NPAS3: variants seen among roughly 807,000 people sequenced by gnomAD.
NPAS3 encodes the protein neuronal PAS domain-containing protein 3.
In NPAS3, 14 loss-of-function variants were observed where a neutral mutation model predicts 73.1. The observed-to-expected ratio is 0.19, with a 90% CI of 0.13 to 0.30. The LOEUF is 0.30. Ranked by LOEUF, NPAS3 falls within the 10% of genes least tolerant of loss-of-function variation. The pLI is 1.00. For missense variants in NPAS3, 1,096 were observed against 1,250.0 expected (o/e 0.88, Z 1.86); for synonymous variants, 620 against 541.5 (o/e 1.14, Z -2.01).
At chr14:33,409,734 C>T (rs2047836234) in intron 4 of NPAS3, among the ~76,000 whole-genome samples, 1 of 152,114 alleles carries the variant, frequency 6.6e-6, no homozygotes, top group Non-Finnish European at 1.5e-5. Context: ...CAATTGAATA[C>T]TACACAAAAG....
chr14:32,981,822 A>G (rs1049478659), intron 1 of NPAS3, among the ~76,000 whole-genome samples: 9 of 152,204 alleles, frequency 5.9e-5, no homozygotes, highest in South Asian at 4.1e-4. Context: ...TCAACTCTTA[A>G]TTGCACAAAT....
chr14:33,398,028 A>C (rs2047296811), intron 4 of NPAS3, among the ~76,000 whole-genome samples: 1 of 152,100 alleles, frequency 6.6e-6, no homozygotes, highest in Non-Finnish European at 1.5e-5. Flanking sequence ...TTTTCAGTAC[A>C]CCAATGCCAA....
Position 33,437,602 on chromosome 14 carries a change from C to A in NPAS3, c.468+70334C>A, listed in dbSNP as rs569153006. On this transcript the variant is annotated intron_variant, in intron 4 of 11. Transcript: ENST00000356141. ...TCCTTTACTGGAATAAATAGCCCTT[C>A]CTTTTGAGAGGACAACCACTTCAGG... Among the ~76,000 whole-genome samples the A allele has an allele frequency of 5.3e-5, 8 of 152,258 alleles. No individual in the cohort carries two copies. In the South Asian group the frequency reaches 1.5e-3, roughly 28 times the overall value.
intron 3 of NPAS3, among the ~76,000 whole-genome samples, chr14:33,357,589 C>T (rs1240843380): frequency 1.3e-5 from 2 of 152,234 alleles, no homozygotes; most frequent in Non-Finnish European, 2.9e-5. Context: ...CTGCTTTTCA[C>T]AACAAAGAGG....
chr14:33,080,470 A>C (rs1376989194), intron 2 of NPAS3, among the ~76,000 whole-genome samples: 1 of 152,218 alleles, frequency 6.6e-6, no homozygotes, highest in Non-Finnish European at 1.5e-5. Flanking sequence ...ATAAATAAAT[A>C]GTAGTAGACA....
chr14:33,744,039 C>G (rs2061722337), intron 7 of NPAS3, among the ~76,000 whole-genome samples: 1 of 152,224 alleles, frequency 6.6e-6, no homozygotes, highest in Admixed American at 6.5e-5. Context: ...AGCAGTAAGG[C>G]TGTTTTACTT....
At chr14:33,510,462 AG>A (rs2052994010) in intron 4 of NPAS3, among the ~76,000 whole-genome samples, 1 of 151,980 alleles carries the variant, frequency 6.6e-6, no homozygotes, top group Non-Finnish European at 1.5e-5. Context: ...GGGTGGGTGG[AG>A]GGGGGACTGG....
At chr14:33,005,817 T>C (rs2038982042) in intron 1 of NPAS3, among the ~76,000 whole-genome samples, 1 of 152,186 alleles carries the variant, frequency 6.6e-6, no homozygotes. Flanking sequence ...GTCTTCAATC[T>C]CACTTTAGAC....
intron 4 of NPAS3, among the ~76,000 whole-genome samples, chr14:33,488,204 C>A (rs2051708061): frequency 6.6e-6 from 1 of 151,886 alleles, no homozygotes. Context: ...AAAACAGCAT[C>A]AGTAATAGTC....
intron 4 of NPAS3, among the ~76,000 whole-genome samples, chr14:33,545,611 C>T (rs976704229): frequency 1.3e-5 from 2 of 152,184 alleles, no homozygotes; most frequent in Non-Finnish European, 2.9e-5. Flanking sequence ...GAAGTGTTCC[C>T]ATTTCAAAGC....
At chr14:33,643,244 T>C (rs1043470986) in intron 5 of NPAS3, among the ~76,000 whole-genome samples, 8 of 152,064 alleles carry the variant, frequency 5.3e-5, no homozygotes, top group Non-Finnish European at 1.0e-4. Context: ...AGTTGCACTG[T>C]AAATCAGGAA....
At chr14:33,563,395 A>T (rs1172803387) in intron 5 of NPAS3, among the ~76,000 whole-genome samples, 1 of 152,036 alleles carries the variant, frequency 6.6e-6, no homozygotes, top group Non-Finnish European at 1.5e-5. Flanking sequence ...TGTCCAGGGC[A>T]TGTGCATGCC....
chr14:33,579,546 T>G (rs555887739), intron 5 of NPAS3, among the ~76,000 whole-genome samples: 1 of 152,318 alleles, frequency 6.6e-6, no homozygotes, highest in East Asian at 1.9e-4. Flanking sequence ...AATGAAGAAT[T>G]CAGAATCAAT....
intron 4 of NPAS3, among the ~76,000 whole-genome samples, chr14:33,422,611 T>C (rs945413505): frequency 1.3e-5 from 2 of 151,960 alleles, no homozygotes; most frequent in Non-Finnish European, 2.9e-5. Context: ...GAAAGCTTCA[T>C]GAGGGCAGAG....
exon 8 of NPAS3, chr14:33,774,415 C>T (rs2062748860): frequency 2.5e-6 from 4 of 1,614,172 alleles, no homozygotes; most frequent in Non-Finnish European, 3.4e-6. Flanking sequence ...AATCATGGGT[C>T]TCGTGGTTGT....
chr14:33,498,933 AGAGTGTGTGT>A (rs1274246559), intron 4 of NPAS3, among the ~76,000 whole-genome samples: 70 of 76,996 alleles, frequency 9.1e-4, no homozygotes, highest in African/African-American at 3.6e-3. Context: ...AGACAGAGAG[AGAGTGTGTGT>A]GTGTGTGTGT....
chr14:33,795,603 T>C (rs570577713), intron 10 of NPAS3, among the ~76,000 whole-genome samples: 1 of 152,300 alleles, frequency 6.6e-6, no homozygotes, highest in South Asian at 2.1e-4. Flanking sequence ...GCTAGCAGTG[T>C]CTGGCTCCCA....
chr14:33,301,729 C>T (rs868596102), intron 3 of NPAS3, among the ~76,000 whole-genome samples: 4 of 152,078 alleles, frequency 2.6e-5, no homozygotes, highest in Admixed American at 1.3e-4. Flanking sequence ...TAAAGCAAAT[C>T]AGCAGTATAA....
intron 5 of NPAS3, among the ~76,000 whole-genome samples, chr14:33,608,236 T>C (rs911861760): frequency 6.6e-6 from 1 of 152,246 alleles, no homozygotes. Context: ...TGTAGCCTAC[T>C]ATCTAGTCTT....
Sources: allele counts gnomAD v4.1 joint callset (sites outside exome capture counted in the v4.1 genomes callset), GRCh38; gene constraint gnomAD v4.1.1; transcripts MANE v1.5; gene names NCBI Gene and HGNC (gene_info 2026-07-23, HGNC 2026-07-21).